Variants in RASA3 observed in about 807,000 individuals in gnomAD.
RASA3 encodes the protein ras GTPase-activating protein 3.
RASA3 carries 73 observed loss-of-function variants against 110.0 expected under a neutral mutation model. The ratio of observed to expected loss-of-function variants is 0.66; its 90% confidence interval spans 0.55 to 0.81. The LOEUF (loss-of-function observed/expected upper bound fraction) is 0.81. Among genes scored for constraint, RASA3 ranks in the 30% least tolerant of loss-of-function variants. RASA3 has a pLI of 0.00. For synonymous variants in RASA3, 500 were observed against 451.4 expected (o/e 1.11, Z -1.37); for missense variants, 976 against 1,113.2 (o/e 0.88, Z 1.75).
At chr13:114,063,262 GGA>G (rs1265531747) in intron 2 of RASA3, among the ~76,000 whole-genome samples, 1 of 151,304 alleles carries the variant, frequency 6.6e-6, no homozygotes, top group African/African-American at 2.4e-5. Flanking sequence ...ACATCCTCCT[GGA>G]GTTTTTTCTC....
intron 1 of RASA3, among the ~76,000 whole-genome samples, chr13:114,091,525 C>T (rs1380628727): frequency 6.6e-6 from 1 of 150,406 alleles, no homozygotes; most frequent in Non-Finnish European, 1.5e-5. Context: ...TATTGATGAG[C>T]AGGTATTAAA....
chr13:113,991,878 C>G (rs926801395), intron 22 of RASA3, among the ~76,000 whole-genome samples: 1 of 152,170 alleles, frequency 6.6e-6, no homozygotes, highest in African/African-American at 2.4e-5. Context: ...GCTCACGTGT[C>G]CCCACACACA....
At chr13:114,089,099 CTCTGTCCCCTAAGCCT>C (rs1416308327) in intron 1 of RASA3, among the ~76,000 whole-genome samples, 2 of 152,038 alleles carry the variant, frequency 1.3e-5, no homozygotes, top group East Asian at 3.9e-4. Context: ...CCCAGCAGGG[CTCTGTCCCCTAAGCCT>C]TCTGCTCCTT....
In RASA3 at chr13:114,048,638, C is replaced by T. The variant is rs936848013; in HGVS notation, c.277+3414G>A. On this transcript the variant is annotated intron_variant, in intron 3 of 23. Coordinates refer to ENST00000334062, the MANE Select transcript of RASA3 (RefSeq NM_007368.4). The surrounding 1 kb of genome is among the most constrained non-coding windows in gnomAD (Gnocchi z 4.3). ...CCGGCAGCCGAGTCCAGGCAGAGGC[C>T]GCCTCCCTGCGCCTGGAATCCCGAA... Among the ~76,000 whole-genome samples, 2 of 152,224 alleles carry T rather than the reference C, an allele frequency of 1.3e-5. No homozygotes were observed. Among genetic ancestry groups the T allele is most frequent in the African/African-American group, 4.8e-5 (2 of 41,458 alleles).
At chr13:114,022,161 G>A (rs573302801) in intron 8 of RASA3, among the ~76,000 whole-genome samples, 18 of 152,254 alleles carry the variant, frequency 1.2e-4, no homozygotes, top group African/African-American at 4.1e-4. Context: ...ACCACAGCAC[G>A]GTCCACGAAT....
At chr13:114,045,732 C>T (rs1360071421) in intron 3 of RASA3, among the ~76,000 whole-genome samples, 1 of 152,332 alleles carries the variant, frequency 6.6e-6, no homozygotes, top group Middle Eastern at 3.4e-3. Context: ...TTTGTACATA[C>T]AAGCAATGAC....
intron 1 of RASA3, among the ~76,000 whole-genome samples, chr13:114,111,559 C>T (rs1214023400): frequency 4.0e-5 from 6 of 150,290 alleles, no homozygotes; most frequent in Admixed American, 4.0e-4. Flanking sequence ...CGGGCTGAGC[C>T]TCAAACGAGC....
intron 23 of RASA3, among the ~76,000 whole-genome samples, chr13:113,980,543 A>G (rs2052910051): frequency 6.6e-6 from 1 of 152,172 alleles, no homozygotes; most frequent in Non-Finnish European, 1.5e-5. Context: ...TACAACAAAC[A>G]GCATCATGCT....
rs191421270 is a variant in RASA3 at position 114,014,763 on chromosome 13, C to A, written c.1405+446G>T. 2.3e-4 allele frequency among the ~76,000 whole-genome samples: 35 copies of A among 152,162 alleles called. No homozygotes were observed. The East Asian group carries it at 6.8e-3, about 29-fold the overall frequency. On this transcript the variant is annotated intron_variant, in intron 14 of 23. Transcript: ENST00000334062. The surrounding 1 kb of genome is among the most constrained non-coding windows in gnomAD (Gnocchi z 4.5). ...CTTCGAAGACACGGGCAGGCAGAGC[C>A]CCCAACACCACTCTGGGCCCTGCCA...
chr13:114,094,403 C>T (rs887541667), intron 1 of RASA3, among the ~76,000 whole-genome samples: 7 of 152,164 alleles, frequency 4.6e-5, no homozygotes, highest in African/African-American at 9.7e-5. Context: ...AACACATGAA[C>T]GGATAAACAA....
chr13:113,997,044 C>T (rs949447706), intron 20 of RASA3, among the ~76,000 whole-genome samples: 1 of 152,216 alleles, frequency 6.6e-6, no homozygotes, highest in African/African-American at 2.4e-5. Context: ...GTCCTGGAGC[C>T]TTGGAGGTCT....
In RASA3 at chr13:114,011,134, T is replaced by C; in HGVS notation, c.1590+37A>G. The stretch of plus-strand genomic sequence containing the variant: ...TTTCTGAAGAGAGAAAAGAATCAGT[T>C]GTCCCTAAAAAGAGAAAATGAAGAA... On this transcript the variant is annotated intron_variant, in intron 16 of 23. Coordinates refer to ENST00000334062, the MANE Select transcript of RASA3 (RefSeq NM_007368.4). This position sits in a 1 kb window ranked among gnomAD's most constrained non-coding sequence, Gnocchi z 4.8. 1.3e-6 allele frequency: 2 copies of C among 1,530,336 alleles called. No homozygotes were observed. Among genetic ancestry groups the C allele is most frequent in the Non-Finnish European group, 1.8e-6 (2 of 1,107,262 alleles). 94.8% of individuals were successfully genotyped at this position (1,530,336 alleles called of 1,614,324 possible). A position where few individuals can be genotyped will look rare whatever the true frequency, so the allele number is the denominator to read the frequency against.
In RASA3 at chr13:114,008,852, G is replaced by A. The variant is rs112726166; in HGVS notation, c.1668+535C>T. 3.7e-4 allele frequency among the ~76,000 whole-genome samples: 25 copies of A among 68,474 alleles called. 3 individuals carry two copies. Among genetic ancestry groups the A allele is most frequent in the African/African-American group, 4.7e-4 (5 of 10,554 alleles). 44.9% of individuals were successfully genotyped at this position (68,474 alleles called of 152,430 possible). On this transcript the variant is annotated intron_variant, in intron 17 of 23. Transcript: ENST00000334062. ...GGTCTGGACGTTCCCCACGCACCGCGTTCCTGACTGTGGGGAGGAGCAGAG... is the reference window on the plus strand; with the variant it reads ...GGTCTGGACGTTCCCCACGCACCGCATTCCTGACTGTGGGGAGGAGCAGAG...
intron 23 of RASA3, among the ~76,000 whole-genome samples, chr13:113,981,444 C>A (rs1482552783): frequency 6.6e-6 from 1 of 152,186 alleles, no homozygotes; most frequent in Non-Finnish European, 1.5e-5. Context: ...CGGACGCTGG[C>A]TGGGGGCCTG....
At chr13:114,061,258 G>A (rs1017371432) in intron 2 of RASA3, among the ~76,000 whole-genome samples, 1 of 151,982 alleles carries the variant, frequency 6.6e-6, no homozygotes, top group African/African-American at 2.4e-5. Flanking sequence ...CGCCATGGCC[G>A]GGGACGCTGC....
intron 4 of RASA3, among the ~76,000 whole-genome samples, chr13:114,032,260 AGGAG>A: frequency 6.6e-6 from 1 of 152,246 alleles, no homozygotes; most frequent in African/African-American, 2.4e-5. Flanking sequence ...CTCAGGGGCC[AGGAG>A]GGGTCATGCC....
chr13:114,027,262 G>A (rs1178055960), intron 7 of RASA3, 127 bp downstream of exon 7: 26 of 832,044 alleles, frequency 3.1e-5, no homozygotes, highest in Admixed American at 8.3e-5. Flanking sequence ...GCCGGCTGGC[G>A]GGGCTCGCTC....
chr13:114,015,556 G>T (rs2053771533), intron 13 of RASA3, among the ~76,000 whole-genome samples: 1 of 152,252 alleles, frequency 6.6e-6, no homozygotes, highest in African/African-American at 2.4e-5. Context: ...CGGCTCCCCG[G>T]CTCGGCCCCG....
chr13:114,002,907 C>T (rs562192819), intron 18 of RASA3, among the ~76,000 whole-genome samples: 20 of 152,356 alleles, frequency 1.3e-4, no homozygotes, highest in African/African-American at 3.4e-4. Context: ...AGCAAACACA[C>T]GCTGCGCTGC....
Sources: allele counts gnomAD v4.1 joint callset (sites outside exome capture counted in the v4.1 genomes callset), GRCh38; gene constraint gnomAD v4.1.1; non-coding constraint Gnocchi (gnomAD v3.1); transcripts MANE v1.5; gene names NCBI Gene and HGNC (gene_info 2026-07-23, HGNC 2026-07-21).